SGK3: variants seen among roughly 807,000 people sequenced by gnomAD.
SGK3 encodes serine/threonine-protein kinase Sgk3.
Under a neutral mutation model 68.5 loss-of-function variants are expected in SGK3, and 47 were observed. The observed-to-expected ratio is 0.69, with a 90% CI of 0.54 to 0.87. The LOEUF is 0.87. Ranked by LOEUF, SGK3 falls within the 40% of genes least tolerant of loss-of-function variation. The probability of loss-of-function intolerance (pLI) is 0.00; values close to 1 mark genes in which losing one functional copy is unlikely to be tolerated. For missense variants in SGK3, 479 were observed against 575.5 expected, an observed-to-expected ratio of 0.83 and a Z score of 1.72; for synonymous variants, 181 against 189.1, an observed-to-expected ratio of 0.96 and a Z score of 0.35.
chr8:66,829,948 C>A (rs943467546), intron 7 of SGK3, among the ~76,000 whole-genome samples: 2 of 151,748 alleles, frequency 1.3e-5, no homozygotes, highest in Non-Finnish European at 2.9e-5. Flanking sequence ...TCTCCACTCA[C>A]CGCAGCCTCT....
At chr8:66,853,981 G>GT (rs1423952892) in intron 16 of SGK3, among the ~76,000 whole-genome samples, 8 of 152,114 alleles carry the variant, frequency 5.3e-5, no homozygotes, top group Admixed American at 5.2e-4. Flanking sequence ...AAAATAAGCC[G>GT]TATTTAGGTA....
chr8:66,767,874 T>C, intron 1 of SGK3: 5 of 1,334,086 alleles, frequency 3.7e-6, no homozygotes, highest in Non-Finnish European at 5.4e-6. Context: ...TGCCAAAACA[T>C]GATATTGAAA....
At chr8:66,827,101 G>A (rs1440671189) in intron 6 of SGK3, among the ~76,000 whole-genome samples, 1 of 151,670 alleles carries the variant, frequency 6.6e-6, no homozygotes, top group East Asian at 1.9e-4. Context: ...AATTTTCTTG[G>A]CCTGGTGCGG....
intron 8 of SGK3, among the ~76,000 whole-genome samples, chr8:66,834,387 A>G (rs912918734): frequency 2.0e-5 from 3 of 152,194 alleles, no homozygotes; most frequent in African/African-American, 7.2e-5. Context: ...ACATTGTGGT[A>G]GTTAGTTACC....
rs1010297075 is a variant in SGK3, at chr8:66,860,462, A to T, written c.*881A>T. ...AGAGTGAAACTCCATCTCCAAAAAA[A>T]AAAAGAAAAAGTAACAAAAGGAAAT... is the stretch of plus-strand genomic sequence containing the variant. On this transcript the variant is annotated 3_prime_UTR_variant, in exon 17 of 17. Transcript: ENST00000521198. 3 of 152,246 alleles carry T rather than the reference A, an allele frequency of 2.0e-5. No homozygotes were observed. The highest frequency in any genetic ancestry group is 7.2e-5 in the African/African-American group (3 of 41,460). The allele number at this position is 152,246 out of a possible 1,614,324, so 9.4% of individuals were successfully genotyped here.
chr8:66,717,580 A>G (rs1220439644), intron 1 of SGK3, among the ~76,000 whole-genome samples: 1 of 152,216 alleles, frequency 6.6e-6, no homozygotes, highest in African/African-American at 2.4e-5. Context: ...CATATACAAA[A>G]GTAGGACTCA....
chr8:66,751,815 G>T (rs1805825804), intron 1 of SGK3, among the ~76,000 whole-genome samples: 1 of 151,614 alleles, frequency 6.6e-6, no homozygotes, highest in Non-Finnish European at 1.5e-5. Context: ...GCCCAGGCTG[G>T]AGTGCAGTGG....
chr8:66,822,303 T>C, intron 5 of SGK3, 69 bp from the exon 6 acceptor site: 1 of 1,423,732 alleles, frequency 7.0e-7, no homozygotes, highest in Non-Finnish European at 9.5e-7. Context: ...ATTTTGATTT[T>C]CATTTTAAAA....
At chr8:66,730,375 A>G (rs1805115267) in intron 1 of SGK3, among the ~76,000 whole-genome samples, 1 of 152,136 alleles carries the variant, frequency 6.6e-6, no homozygotes, top group Non-Finnish European at 1.5e-5. Context: ...GATATAATTT[A>G]CAAATTTTTT....
chr8:66,847,890 A>T (rs1170823816), intron 15 of SGK3, among the ~76,000 whole-genome samples: 2 of 144,094 alleles, frequency 1.4e-5, no homozygotes, highest in African/African-American at 5.2e-5. Flanking sequence ...TTTTTTTAAG[A>T]ATTTGGTGAG....
chr8:66,761,416 G>T (rs540313136), intron 1 of SGK3, among the ~76,000 whole-genome samples: 7 of 152,282 alleles, frequency 4.6e-5, no homozygotes, highest in African/African-American at 1.7e-4. Context: ...AGTCACTATT[G>T]TTTTTGTACC....
At chr8:66,853,321 A>G (rs1044782124) in intron 16 of SGK3, among the ~76,000 whole-genome samples, 1 of 152,204 alleles carries the variant, frequency 6.6e-6, no homozygotes, top group Non-Finnish European at 1.5e-5. Context: ...GTGTTGTGGA[A>G]TTAAAATATG....
intron 1 of SGK3, among the ~76,000 whole-genome samples, chr8:66,790,095 T>G (rs1256684389): frequency 1.3e-5 from 2 of 151,860 alleles, no homozygotes; most frequent in Non-Finnish European, 2.9e-5. Context: ...AGAAAAAAAA[T>G]AGGTCACAAT....
chr8:66,818,851 A>T (rs1175022394), intron 5 of SGK3, among the ~76,000 whole-genome samples: 1 of 152,222 alleles, frequency 6.6e-6, no homozygotes, highest in Non-Finnish European at 1.5e-5. Flanking sequence ...TTTTCTGACT[A>T]TTATAAATAA....
chr8:66,717,936 A>G (rs991612463), intron 1 of SGK3, among the ~76,000 whole-genome samples: 2 of 152,102 alleles, frequency 1.3e-5, no homozygotes, highest in African/African-American at 4.8e-5. Context: ...TCCTGGCCTC[A>G]GTTATCCACC....
chr8:66,819,610 A>G (rs1276194483), intron 5 of SGK3, among the ~76,000 whole-genome samples: 1 of 152,198 alleles, frequency 6.6e-6, no homozygotes, highest in Non-Finnish European at 1.5e-5. Flanking sequence ...ATTTAAATAT[A>G]TTGTGATCTT....
At chr8:66,826,217 C>T (rs993787287) in intron 6 of SGK3, among the ~76,000 whole-genome samples, 21 of 152,022 alleles carry the variant, frequency 1.4e-4, no homozygotes, top group East Asian at 3.9e-4. Flanking sequence ...GTGATCCACC[C>T]GCCTCGGCCT....
chr8:66,814,026 C>A, intron 5 of SGK3, 98 bp downstream of exon 5: 3 of 965,292 alleles, frequency 3.1e-6, no homozygotes, highest in Non-Finnish European at 4.3e-6. Flanking sequence ...TGAAATGTTA[C>A]TGTGCTATAT....
chr8:66,754,638 T>C (rs1214473925), intron 1 of SGK3, among the ~76,000 whole-genome samples: 1 of 152,222 alleles, frequency 6.6e-6, no homozygotes, highest in African/African-American at 2.4e-5. Flanking sequence ...AGTCTGAAGG[T>C]CATTTTATAC....
Sources: gnomAD v4.1 joint callset for allele counts (sites outside exome capture counted in the v4.1 genomes callset) on GRCh38, gnomAD v4.1.1 for gene constraint, MANE v1.5 for transcripts, NCBI Gene and HGNC (gene_info 2026-07-23, HGNC 2026-07-21) for gene names.